PKIB: variants seen among roughly 807,000 people sequenced by gnomAD.
PKIB encodes cAMP-dependent protein kinase inhibitor beta.
In PKIB, 2 loss-of-function variants were observed where a neutral mutation model predicts 4.5. The ratio of observed to expected loss-of-function variants is 0.44; its 90% confidence interval spans 0.18 to 1.39. The LOEUF (loss-of-function observed/expected upper bound fraction) is 1.39. Among genes scored for constraint, PKIB ranks in the 40% most tolerant of loss-of-function variants. The pLI is 0.27. For missense variants in PKIB, 94 were observed against 92.6 expected (o/e 1.02, Z -0.06); for synonymous variants, 38 against 36.0 (o/e 1.06, Z -0.20).
intron 2 of PKIB, among the ~76,000 whole-genome samples, chr6:122,657,043 GA>G (rs1776799686): frequency 6.6e-6 from 1 of 151,852 alleles, no homozygotes; most frequent in African/African-American, 2.4e-5. Context: ...GTGCATATTT[GA>G]GGTTTATAAC....
At chr6:122,616,054 G>C (rs192595427) in intron 1 of PKIB, among the ~76,000 whole-genome samples, 4 of 152,282 alleles carry the variant, frequency 2.6e-5, no homozygotes, top group African/African-American at 9.6e-5. Flanking sequence ...TGTATAACAA[G>C]CTCAGAAGAT....
chr6:122,719,992 G>A (rs1251002991), intron 4 of PKIB, among the ~76,000 whole-genome samples: 1 of 152,034 alleles, frequency 6.6e-6, no homozygotes, highest in Non-Finnish European at 1.5e-5. Flanking sequence ...CAGTTTGAAG[G>A]CTTATTTTTT....
chr6:122,619,636 G>GA (rs1308302777), intron 1 of PKIB, among the ~76,000 whole-genome samples: 1 of 151,764 alleles, frequency 6.6e-6, no homozygotes, highest in East Asian at 1.9e-4. Context: ...GCCCTAGAAG[G>GA]AAAAAAATTT....
chr6:122,651,896 T>C (rs1274968678), intron 2 of PKIB, among the ~76,000 whole-genome samples: 1 of 152,186 alleles, frequency 6.6e-6, no homozygotes, highest in Non-Finnish European at 1.5e-5. Flanking sequence ...GCTAAAATGC[T>C]CTAAGGCATG....
intron 2 of PKIB, among the ~76,000 whole-genome samples, chr6:122,576,541 G>A (rs1201286699): frequency 6.6e-6 from 1 of 150,662 alleles, no homozygotes; most frequent in Non-Finnish European, 1.5e-5. Flanking sequence ...GGTGGCAGGC[G>A]CCTGTAGTCC....
At chr6:122,566,573 G>T (rs1773201176) in intron 2 of PKIB, among the ~76,000 whole-genome samples, 1 of 151,030 alleles carries the variant, frequency 6.6e-6, no homozygotes. Context: ...AATAATATAG[G>T]CCTACTCCCA....
chr6:122,565,617 ACTGT>A (rs1771672970), intron 2 of PKIB, among the ~76,000 whole-genome samples: 1 of 152,140 alleles, frequency 6.6e-6, no homozygotes, highest in African/African-American at 2.4e-5. Context: ...AACCAGTTTA[ACTGT>A]CTACTTTTCT....
intron 3 of PKIB, chr6:122,701,593 C>A: frequency 6.9e-7 from 1 of 1,440,036 alleles, no homozygotes; most frequent in Non-Finnish European, 9.5e-7. Context: ...TAGCTCAAGC[C>A]CATCAGCAGT....
intron 4 of PKIB, among the ~76,000 whole-genome samples, chr6:122,723,162 C>T (rs1779809301): frequency 6.6e-6 from 1 of 152,170 alleles, no homozygotes; most frequent in Admixed American, 6.5e-5. Context: ...TGGACATCAT[C>T]TCTATCAACA....
chr6:122,655,178 T>TA (rs1776716472), intron 2 of PKIB, among the ~76,000 whole-genome samples: 2 of 152,158 alleles, frequency 1.3e-5, no homozygotes, highest in Non-Finnish European at 2.9e-5. Flanking sequence ...CTTATCATTA[T>TA]AAAAATTCAT....
At chr6:122,502,100 G>A (rs2114561105) in intron 2 of PKIB, among the ~76,000 whole-genome samples, 1 of 151,576 alleles carries the variant, frequency 6.6e-6, no homozygotes, top group African/African-American at 2.4e-5. Context: ...TTACAGGCCT[G>A]CACCACCACA....
At chr6:122,563,624 G>A (rs1243093466) in intron 2 of PKIB, among the ~76,000 whole-genome samples, 1 of 152,104 alleles carries the variant, frequency 6.6e-6, no homozygotes, top group Non-Finnish European at 1.5e-5. Flanking sequence ...CTCTCCTTGG[G>A]TGGGTCTTGC....
intron 2 of PKIB, among the ~76,000 whole-genome samples, chr6:122,502,276 C>T (rs1776263920): frequency 6.6e-6 from 1 of 152,004 alleles, no homozygotes. Context: ...GTTGCTTCCA[C>T]ATTTTCAGGT....
At chr6:122,540,037 C>A (rs1312071900) in intron 2 of PKIB, among the ~76,000 whole-genome samples, 13 of 152,086 alleles carry the variant, frequency 8.5e-5, no homozygotes, top group Admixed American at 6.6e-4. Flanking sequence ...TCCCCTTTAT[C>A]ATTTTTTATT....
chr6:122,648,429 T>C (rs960240153), intron 2 of PKIB, among the ~76,000 whole-genome samples: 5 of 152,212 alleles, frequency 3.3e-5, no homozygotes, highest in African/African-American at 4.8e-5. Flanking sequence ...AGGATATTTC[T>C]AGAGCCCAGC....
chr6:122,712,110 GA>G (rs1779292585), intron 3 of PKIB, among the ~76,000 whole-genome samples: 1 of 152,166 alleles, frequency 6.6e-6, no homozygotes, highest in Admixed American at 6.5e-5. Context: ...ATACTTAAGT[GA>G]ATAGGAGATA....
intron 2 of PKIB, among the ~76,000 whole-genome samples, chr6:122,663,798 T>C (rs1400870149): frequency 6.6e-6 from 1 of 152,128 alleles, no homozygotes; most frequent in Non-Finnish European, 1.5e-5. Flanking sequence ...AACATCATAT[T>C]CACATGTACT....
intron 2 of PKIB, among the ~76,000 whole-genome samples, chr6:122,640,768 G>A (rs1170051775): frequency 6.6e-6 from 1 of 152,090 alleles, no homozygotes; most frequent in Non-Finnish European, 1.5e-5. Flanking sequence ...AACGAACTGT[G>A]GTTCACTTCT....
At chr6:122,706,845 C>G (rs1050508293) in intron 3 of PKIB, among the ~76,000 whole-genome samples, 4 of 151,982 alleles carry the variant, frequency 2.6e-5, no homozygotes, top group African/African-American at 9.7e-5. Context: ...TTAATAATAA[C>G]ATACACAAAG....
Sources: allele counts gnomAD v4.1 joint callset (sites outside exome capture counted in the v4.1 genomes callset), GRCh38; gene constraint gnomAD v4.1.1; transcripts MANE v1.5; gene names NCBI Gene and HGNC (gene_info 2026-07-23, HGNC 2026-07-21).